Variants in TNNI3K observed in about 807,000 individuals in gnomAD.
The protein encoded by TNNI3K is serine/threonine-protein kinase TNNI3K.
A neutral mutation model predicts 114.5 loss-of-function variants in TNNI3K; 140 were observed. The observed-to-expected ratio is 1.22, with a 90% CI of 1.07 to 1.41. The LOEUF is 1.41. Among genes scored for constraint, TNNI3K ranks in the 40% most tolerant of loss-of-function variants. The pLI, the probability that TNNI3K is intolerant of heterozygous loss-of-function variation, is 0.00. For synonymous variants in TNNI3K, 347 were observed against 347.5 expected, an observed-to-expected ratio of 1.00 and a Z score of 0.02; for missense variants, 1,125 against 1,007.6, an observed-to-expected ratio of 1.12 and a Z score of -1.58.
intron 20 of TNNI3K, among the ~76,000 whole-genome samples, chr1:74,448,330 C>T (rs1419328835): frequency 6.9e-6 from 1 of 144,126 alleles, no homozygotes; most frequent in Non-Finnish European, 1.5e-5. Context: ...TGAGACTTTG[C>T]TGAAGTTGCT....
intron 17 of TNNI3K, among the ~76,000 whole-genome samples, chr1:74,427,634 A>G (rs984842208): frequency 1.3e-5 from 2 of 152,124 alleles, no homozygotes; most frequent in South Asian, 4.1e-4. Flanking sequence ...CAAATTATAT[A>G]TAATGAATAC....
intron 20 of TNNI3K, among the ~76,000 whole-genome samples, chr1:74,443,975 A>C (rs898314525): frequency 1.3e-5 from 2 of 152,190 alleles, no homozygotes; most frequent in Non-Finnish European, 2.9e-5. Flanking sequence ...CATGTTAAAA[A>C]CTCTCAATAA....
chr1:74,318,602 G>A lies in TNNI3K; in HGVS notation c.445-12848G>A, dbSNP rs141895600. Among the ~76,000 whole-genome samples, 627 of 152,268 alleles carry A rather than the reference G, an allele frequency of 4.1e-3. 4 individuals are homozygous for A. Among genetic ancestry groups the A allele is most frequent in the African/African-American group, 0.014 (602 of 41,548 alleles). On this transcript the variant is annotated intron_variant, in intron 5 of 24. Transcript: ENST00000326637. ...TTTGCTTAGAAAACTTCTATTTCAC[G>A]TTTTAGGTTTATACCTCTCTATAGC... is the stretch of plus-strand genomic sequence containing the variant.
intron 4 of TNNI3K, among the ~76,000 whole-genome samples, chr1:74,268,643 T>C (rs1283677834): frequency 6.6e-6 from 1 of 151,834 alleles, no homozygotes; most frequent in East Asian, 1.9e-4. Flanking sequence ...TGGTTACAAT[T>C]ACTCTTTTTT....
chr1:74,279,420 A>G (rs1656869803), intron 5 of TNNI3K, among the ~76,000 whole-genome samples: 1 of 152,188 alleles, frequency 6.6e-6, no homozygotes, highest in African/African-American at 2.4e-5. Flanking sequence ...ATATAGTATA[A>G]CCAGTGAACT....
chr1:74,469,830 A>G (rs1667836473), intron 21 of TNNI3K: 1 of 400,012 alleles, frequency 2.5e-6, no homozygotes. Context: ...GTCCTCTTGA[A>G]GAAAGCTAAA....
chr1:74,496,616 T>C (rs1234950402), intron 23 of TNNI3K, among the ~76,000 whole-genome samples: 1 of 152,182 alleles, frequency 6.6e-6, no homozygotes, highest in African/African-American at 2.4e-5. Flanking sequence ...TTCTAATTAT[T>C]ATTATTCTTT....
At chr1:74,486,329 A>C (rs1203141358) in intron 21 of TNNI3K, among the ~76,000 whole-genome samples, 2 of 151,258 alleles carry the variant, frequency 1.3e-5, no homozygotes, top group Admixed American at 1.3e-4. Flanking sequence ...GGTAGCTGTC[A>C]TTTACATTTT....
intron 17 of TNNI3K, among the ~76,000 whole-genome samples, chr1:74,407,720 A>G (rs1054217602): frequency 6.6e-6 from 1 of 152,202 alleles, no homozygotes; most frequent in African/African-American, 2.4e-5. Flanking sequence ...TCTCTAAACT[A>G]CATCAACTTT....
chr1:74,486,578 A>G (rs1047624389), intron 21 of TNNI3K, among the ~76,000 whole-genome samples: 3 of 150,072 alleles, frequency 2.0e-5, no homozygotes, highest in Non-Finnish European at 4.4e-5. Flanking sequence ...GGCTATAAAT[A>G]TAATTAATTG....
At chr1:74,348,809 G>A (rs1296385632) in intron 9 of TNNI3K, among the ~76,000 whole-genome samples, 1 of 152,022 alleles carries the variant, frequency 6.6e-6, no homozygotes, top group South Asian at 2.1e-4. Context: ...TCTGTTATTG[G>A]TGTATAAGAA....
chr1:74,271,877 A>G (rs1037947164), intron 5 of TNNI3K, among the ~76,000 whole-genome samples, 169 bp downstream of exon 5: 1 of 151,926 alleles, frequency 6.6e-6, no homozygotes, highest in African/African-American at 2.4e-5. Context: ...TGGATAGTCA[A>G]TTCAGTCAAT....
At chr1:74,275,131 T>C (rs1057496686) in intron 5 of TNNI3K, among the ~76,000 whole-genome samples, 2 of 152,042 alleles carry the variant, frequency 1.3e-5, no homozygotes, top group Admixed American at 6.6e-5. Context: ...AGGATAGAGA[T>C]TGTATTAGTC....
rs146411434 is a variant in TNNI3K at position 74,489,924 on chromosome 1, A to G, written c.2181+676A>G. 2.9e-4 allele frequency among the ~76,000 whole-genome samples: 44 copies of G among 152,204 alleles called. No homozygotes were observed. In the East Asian group the frequency reaches 8.1e-3, roughly 28 times the overall value. Reference sequence around the variant, plus strand: ...TGGTGGAGGAAGACATACATCACACATAGAGGATCATATATGCATTTGCAT... The same window carrying G: ...TGGTGGAGGAAGACATACATCACACGTAGAGGATCATATATGCATTTGCAT... On this transcript the variant is annotated intron_variant, in intron 22 of 24. Coordinates refer to ENST00000326637, the MANE Select transcript of TNNI3K (RefSeq NM_015978.3).
chr1:74,543,061 TCCC>T (rs373145978), intron 24 of TNNI3K, among the ~76,000 whole-genome samples: 2 of 106,802 alleles, frequency 1.9e-5, no homozygotes, highest in African/African-American at 3.4e-5. Flanking sequence ...TTTTTCTTTT[TCCC>T]TTTTTTTTTT....
chr1:74,496,647 A>G (rs2100323262), intron 23 of TNNI3K, among the ~76,000 whole-genome samples: 1 of 152,228 alleles, frequency 6.6e-6, no homozygotes, highest in Non-Finnish European at 1.5e-5. Flanking sequence ...TTAGAGGTGC[A>G]AAATTGTGTC....
rs552016735 is a variant in TNNI3K, at chr1:74,505,492, T to C, written c.2351+13226T>C. Among the ~76,000 whole-genome samples, 5 of 152,344 alleles carry C rather than the reference T, an allele frequency of 3.3e-5. No individual in the cohort carries two copies. In the East Asian group the frequency reaches 7.7e-4, roughly 24 times the overall value. On this transcript the variant is annotated intron_variant, in intron 23 of 24. Transcript: ENST00000326637. ...ACAAGAGCAATGATTTCTAAATAGA[T>C]TTCTGAAGCAGCTCTTACAATGGCT... is the stretch of plus-strand genomic sequence containing the variant.
At chr1:74,391,957 A>ATTATTTTTTTTTTTTTTTTTTTT (rs1369570973) in intron 17 of TNNI3K, among the ~76,000 whole-genome samples, 4 of 92,990 alleles carry the variant, frequency 4.3e-5, no homozygotes, top group Non-Finnish European at 6.6e-5. Flanking sequence ...ACAGCTTATT[A>ATTATTTTTTTTTTTTTTTTTTTT]TTTTTTTTTT....
intron 17 of TNNI3K, among the ~76,000 whole-genome samples, chr1:74,432,116 T>G (rs754951246): frequency 6.6e-6 from 1 of 152,104 alleles, no homozygotes; most frequent in Non-Finnish European, 1.5e-5. Context: ...TATGTGTACA[T>G]GTTTGTATAT....
Sources: allele counts gnomAD v4.1 joint callset (sites outside exome capture counted in the v4.1 genomes callset), GRCh38; gene constraint gnomAD v4.1.1; transcripts MANE v1.5; gene names NCBI Gene and HGNC (gene_info 2026-07-23, HGNC 2026-07-21).